RPS6KA2: variants seen among roughly 807,000 people sequenced by gnomAD.
RPS6KA2 encodes ribosomal protein S6 kinase A2, also known as ribosomal protein S6 kinase alpha-2.
In RPS6KA2, 42 loss-of-function variants were observed where a neutral mutation model predicts 91.8. That is an observed-to-expected ratio of 0.46 (90% CI 0.36 to 0.59). The LOEUF (loss-of-function observed/expected upper bound fraction) is 0.59, where lower values mean the gene tolerates loss of function less well. Among genes scored for constraint, RPS6KA2 ranks in the 20% least tolerant of loss-of-function variants. The pLI, the probability that RPS6KA2 is intolerant of heterozygous loss-of-function variation, is 0.00. For synonymous variants in RPS6KA2, 414 were observed against 393.6 expected, an observed-to-expected ratio of 1.05 and a Z score of -0.61; for missense variants, 798 against 978.5, an observed-to-expected ratio of 0.82 and a Z score of 2.46.
chr6:166,706,246 T>C (rs1789678821), intron 2 of RPS6KA2, among the ~76,000 whole-genome samples: 1 of 152,182 alleles, frequency 6.6e-6, no homozygotes, highest in Non-Finnish European at 1.5e-5. Flanking sequence ...TCTGTACCAA[T>C]TGAGAGGACC....
chr6:166,841,489 T>C (rs1482805026), intron 2 of RPS6KA2, among the ~76,000 whole-genome samples: 2 of 152,258 alleles, frequency 1.3e-5, no homozygotes, highest in Non-Finnish European at 2.9e-5. Context: ...GAATACTGTA[T>C]GTTTTTTCAA....
rs57517262 is a variant in RPS6KA2 at position 166,773,386 on chromosome 6, G to GT, written c.123+84813dup. On this transcript the variant is annotated intron_variant, in intron 2 of 21. Transcript: ENST00000503859. ...ATCCACTTTTCTTTTCTTTCTTTTC[G>GT]TTTTTTTTTGTTTTGTTTTGTTTTG... 6.6e-3 allele frequency among the ~76,000 whole-genome samples: 1,004 copies of GT among 151,024 alleles called. 9 individuals are homozygous for GT. The highest frequency in any genetic ancestry group is 9.3e-3 in the Non-Finnish European group (629 of 67,590).
chr6:166,833,386 T>A (rs921207318), intron 2 of RPS6KA2, among the ~76,000 whole-genome samples: 2 of 152,270 alleles, frequency 1.3e-5, no homozygotes, highest in Non-Finnish European at 2.9e-5. Flanking sequence ...GTTTATGTTT[T>A]TCTAAGTCAG....
chr6:166,690,049 A>G (rs1789157313), intron 2 of RPS6KA2, among the ~76,000 whole-genome samples: 1 of 152,132 alleles, frequency 6.6e-6, no homozygotes, highest in Non-Finnish European at 1.5e-5. Context: ...GCTCCGGTCT[A>G]GGGATTGGGT....
chr6:166,734,545 C>A (rs1195477639), intron 2 of RPS6KA2, among the ~76,000 whole-genome samples: 2 of 152,194 alleles, frequency 1.3e-5, no homozygotes, highest in Admixed American at 6.5e-5. Flanking sequence ...AGGTTCCCGG[C>A]AATCATTTCT....
chr6:166,521,560 C>T lies in RPS6KA2; in HGVS notation c.298+9672G>A, dbSNP rs148945506. ...TGTCTGTCCTATGCTGGTCCCACCACGGGATTTCTGAGGCACAGAGCTCGT... is the reference window on the plus strand; with the variant it reads ...TGTCTGTCCTATGCTGGTCCCACCATGGGATTTCTGAGGCACAGAGCTCGT... On this transcript the variant is annotated intron_variant, in intron 3 of 20. Transcript: ENST00000265678. 2.9e-4 allele frequency among the ~76,000 whole-genome samples: 44 copies of T among 152,348 alleles called. No homozygotes were observed. The South Asian group carries it at 3.1e-3, about 11-fold the overall frequency.
At position 166,459,835 on chromosome 6, in the gene RPS6KA2, G is replaced by A. The variant is rs1435163718; in HGVS notation, c.973-284C>T. Among the ~76,000 whole-genome samples the A allele has an allele frequency of 6.6e-6, 1 of 152,230 alleles. No homozygotes were observed. Among genetic ancestry groups the A allele is most frequent in the Non-Finnish European group, 1.5e-5 (1 of 68,030 alleles). ...ATGAGGGTTTGGGGACATGCCAAGT[G>A]TTCTTCATTTTAGGGCAATAGTTTT... On this transcript the variant is annotated intron_variant, in intron 11 of 20. Coordinates refer to ENST00000265678, the MANE Select transcript of RPS6KA2 (RefSeq NM_021135.6). This position sits in a 1 kb window ranked among gnomAD's most constrained non-coding sequence, Gnocchi z 4.9.
chr6:166,828,882 A>G (rs1389873923), intron 2 of RPS6KA2, among the ~76,000 whole-genome samples: 1 of 152,244 alleles, frequency 6.6e-6, no homozygotes, highest in African/African-American at 2.4e-5. Flanking sequence ...TAACAAGATG[A>G]AACAACAACC....
At chr6:166,604,117 G>C (rs906378773) in intron 1 of RPS6KA2, among the ~76,000 whole-genome samples, 2 of 152,182 alleles carry the variant, frequency 1.3e-5, no homozygotes, top group Non-Finnish European at 2.9e-5. Flanking sequence ...TCTGCCAATT[G>C]AAAGTTTTTC....
intron 2 of RPS6KA2, among the ~76,000 whole-genome samples, chr6:166,742,711 C>T (rs186578734): frequency 6.6e-6 from 1 of 152,334 alleles, no homozygotes. Context: ...ACACTGCATA[C>T]TTTTTATTAC....
At chr6:166,775,263 C>A (rs1159760508) in intron 2 of RPS6KA2, among the ~76,000 whole-genome samples, 1 of 148,226 alleles carries the variant, frequency 6.7e-6, no homozygotes, top group East Asian at 2.1e-4. Context: ...CCCCCCCACC[C>A]CCGGCCCCTT....
Position 166,430,523 on chromosome 6 carries a change from A to C in RPS6KA2, c.1511T>G (p.Phe504Cys). 6.2e-7 allele frequency: 1 copy of C among 1,614,012 alleles called. No homozygotes were observed. The highest frequency in any genetic ancestry group is 8.5e-7 in the Non-Finnish European group (1 of 1,179,978). Residue 504 changes from phenylalanine to cysteine, a missense_variant, in exon 16 of 21, where the codon TTC becomes TGC. By Grantham distance (205) the Phe-to-Cys change is radical. Coordinates refer to ENST00000265678, the MANE Select transcript of RPS6KA2 (RefSeq NM_021135.6). Reference protein sequence around the residue: ...LLDRILRQRYFSEREASDVLC... With the variant: ...LLDRILRQRYCSEREASDVLC... ...GACGTCACTGGCTTCGCGCTCCGAGAAGTATCTCTGCCGGAGGATGCGGTC... is the reference window on the plus strand; with the variant it reads ...GACGTCACTGGCTTCGCGCTCCGAGCAGTATCTCTGCCGGAGGATGCGGTC...
intron 2 of RPS6KA2, among the ~76,000 whole-genome samples, chr6:166,795,165 A>G (rs2128615708): frequency 6.6e-6 from 1 of 152,320 alleles, no homozygotes; most frequent in Non-Finnish European, 1.5e-5. Context: ...ATGTGGTATT[A>G]ATAAAGCAAA....
chr6:166,685,086 C>T (rs2128568128), intron 2 of RPS6KA2, among the ~76,000 whole-genome samples: 1 of 152,350 alleles, frequency 6.6e-6, no homozygotes, highest in South Asian at 2.1e-4. Context: ...ACCCCAACCT[C>T]GAAGTCCCCA....
intron 2 of RPS6KA2, among the ~76,000 whole-genome samples, chr6:166,802,944 G>GTATATATATA (rs201882418): frequency 1.9e-4 from 26 of 133,806 alleles, no homozygotes; most frequent in African/African-American, 6.8e-4. Context: ...GTGTGTGTGT[G>GTATATATATA]TATATATATA....
intron 1 of RPS6KA2, among the ~76,000 whole-genome samples, chr6:166,611,265 G>A (rs1056393642): frequency 4.6e-5 from 7 of 152,114 alleles, no homozygotes; most frequent in African/African-American, 1.4e-4. Context: ...CAAGTCCAAA[G>A]CTGCTAAATA....
intron 1 of RPS6KA2, among the ~76,000 whole-genome samples, chr6:166,555,748 A>G (rs1784158546): frequency 6.6e-6 from 1 of 152,208 alleles, no homozygotes; most frequent in Admixed American, 6.5e-5. Flanking sequence ...AAGGTGACAC[A>G]GAATCATCAT....
chr6:166,507,947 C>A (rs764687409), intron 5 of RPS6KA2, among the ~76,000 whole-genome samples: 12 of 148,728 alleles, frequency 8.1e-5, no homozygotes, highest in Non-Finnish European at 1.3e-4. Context: ...CTCACACAGC[C>A]CCCATGCAAA....
intron 2 of RPS6KA2, among the ~76,000 whole-genome samples, chr6:166,848,937 A>T (rs982731681): frequency 3.3e-5 from 5 of 151,184 alleles, no homozygotes; most frequent in Admixed American, 1.3e-4. Flanking sequence ...TAATTTTAAA[A>T]ATATATATAT....
Sources: allele counts gnomAD v4.1 joint callset (sites outside exome capture counted in the v4.1 genomes callset), GRCh38; gene constraint gnomAD v4.1.1; non-coding constraint Gnocchi (gnomAD v3.1); transcripts MANE v1.5; gene names NCBI Gene and HGNC (gene_info 2026-07-23, HGNC 2026-07-21).